The following NEBL variants were observed in gnomAD, a reference collection of about 807,000 sequenced individuals.
NEBL encodes the protein nebulette, also known as LIM and SH3 protein 2.
In NEBL, 122 loss-of-function variants were observed where a neutral mutation model predicts 140.2. The ratio of observed to expected loss-of-function variants is 0.87; its 90% CI spans 0.75 to 1.01. The LOEUF is 1.01. Ranked by LOEUF, NEBL falls within the 50% of genes least tolerant of loss-of-function variation. The pLI is 0.00. For missense variants in NEBL, 1,365 were observed against 1,231.3 expected, an observed-to-expected ratio of 1.11 and a Z score of -1.62; for synonymous variants, 436 against 398.9, an observed-to-expected ratio of 1.09 and a Z score of -1.11.
chr10:20,973,911 A>G (rs1321047007), intron 3 of NEBL, among the ~76,000 whole-genome samples: 1 of 152,208 alleles, frequency 6.6e-6, no homozygotes, highest in Non-Finnish European at 1.5e-5. Context: ...GTCTGATGGC[A>G]TTTGAATCCT....
intron 17 of NEBL, among the ~76,000 whole-genome samples, chr10:20,827,421 G>A (rs998770109): frequency 2.6e-5 from 4 of 152,200 alleles, no homozygotes; most frequent in Non-Finnish European, 5.9e-5. Flanking sequence ...TACTCTGAGA[G>A]CTGGCGCTTG....
At chr10:21,248,047 A>T (rs1156624126) in intron 2 of NEBL, 1 of 230,070 alleles carries the variant, frequency 4.3e-6, no homozygotes, top group Admixed American at 4.2e-5. Flanking sequence ...AAACTTCTGG[A>T]TTCAAGTCTG....
intron 21 of NEBL, 42 bp downstream of exon 21, chr10:20,817,558 G>A (rs1490582808): frequency 1.4e-6 from 2 of 1,414,712 alleles, no homozygotes; most frequent in South Asian, 2.3e-5. Flanking sequence ...CGTGGACAAT[G>A]CATTTGATAG....
In NEBL at chr10:21,260,487, T is replaced by C. The variant is rs572983800; in HGVS notation, n.183-8659A>G. Reference sequence around the variant, plus strand: ...TCCTCTTTTTCTTTTTGCCTTGCCTTTAAAATAGATCTGCTCTAGGATGCT... The same window carrying C: ...TCCTCTTTTTCTTTTTGCCTTGCCTCTAAAATAGATCTGCTCTAGGATGCT... On this transcript the variant is annotated intron_variant and non_coding_transcript_variant, in intron 1 of 8. Transcript: ENST00000675702. 4.6e-5 allele frequency among the ~76,000 whole-genome samples: 7 copies of C among 152,358 alleles called. No homozygotes were observed. The East Asian group carries it at 7.7e-4, about 17-fold the overall frequency.
intron 2 of NEBL, among the ~76,000 whole-genome samples, chr10:21,028,724 G>A (rs985197746): frequency 6.6e-6 from 1 of 150,924 alleles, no homozygotes; most frequent in Non-Finnish European, 1.5e-5. Context: ...TCCTAAAAAA[G>A]GGAAAATATC....
At chr10:20,877,208 A>G (rs775849810) in intron 5 of NEBL, among the ~76,000 whole-genome samples, 7 of 152,322 alleles carry the variant, frequency 4.6e-5, no homozygotes, top group Admixed American at 1.3e-4. Context: ...CTCTTTACAC[A>G]TAATGTTTCA....
chr10:20,803,798 C>T (rs553609176), intron 26 of NEBL, among the ~76,000 whole-genome samples: 1 of 141,032 alleles, frequency 7.1e-6, no homozygotes, highest in East Asian at 2.1e-4. Flanking sequence ...AGACTTCTTT[C>T]CTTCTGTACG....
intron 2 of NEBL, among the ~76,000 whole-genome samples, chr10:21,157,719 G>A (rs1254204290): frequency 6.6e-6 from 1 of 152,172 alleles, no homozygotes; most frequent in Non-Finnish European, 1.5e-5. Context: ...GAGTTGAATT[G>A]TATATGTATT....
At chr10:21,150,729 C>T (rs1480393920) in intron 2 of NEBL, among the ~76,000 whole-genome samples, 1 of 152,182 alleles carries the variant, frequency 6.6e-6, no homozygotes, top group Non-Finnish European at 1.5e-5. Context: ...ACAAAAGTCA[C>T]ACCCGAAGCC....
intron 2 of NEBL, among the ~76,000 whole-genome samples, chr10:21,061,155 C>A (rs1447594455): frequency 1.3e-5 from 2 of 151,060 alleles, no homozygotes; most frequent in Non-Finnish European, 2.9e-5. Flanking sequence ...ATATATGATA[C>A]ATGTTCTTAT....
At chr10:21,262,405 C>T (rs961986438) in intron 1 of NEBL, among the ~76,000 whole-genome samples, 4 of 152,216 alleles carry the variant, frequency 2.6e-5, no homozygotes, top group African/African-American at 9.6e-5. Context: ...TAGGGGGACC[C>T]AAGCTGCGTG....
At chr10:21,060,636 G>A (rs1835230632) in intron 2 of NEBL, among the ~76,000 whole-genome samples, 1 of 151,568 alleles carries the variant, frequency 6.6e-6, no homozygotes, top group Non-Finnish European at 1.5e-5. Context: ...TTCCTCCTCT[G>A]CCACCTCCCA....
intron 2 of NEBL, among the ~76,000 whole-genome samples, chr10:21,054,008 G>A (rs538888216): frequency 6.8e-5 from 10 of 147,674 alleles, no homozygotes; most frequent in Non-Finnish European, 1.2e-4. Context: ...ACTCCAGCCT[G>A]GGCGACGAAG....
At chr10:21,186,347 A>T (rs532574662) in intron 3 of NEBL, among the ~76,000 whole-genome samples, 1 of 151,796 alleles carries the variant, frequency 6.6e-6, no homozygotes, top group South Asian at 2.1e-4. Context: ...AACCCCTAAG[A>T]TAATGGTATT....
At chr10:20,959,568 A>C (rs866258935) in intron 4 of NEBL, among the ~76,000 whole-genome samples, 5 of 152,282 alleles carry the variant, frequency 3.3e-5, no homozygotes, top group South Asian at 2.1e-4. Context: ...TAAGGGAAAA[A>C]GTTCATGAAG....
At chr10:21,255,106 C>G (rs1221201734) in intron 1 of NEBL, among the ~76,000 whole-genome samples, 1 of 151,838 alleles carries the variant, frequency 6.6e-6, no homozygotes, top group East Asian at 2.0e-4. Context: ...CTGCTTGAGT[C>G]TGAAGATGGT....
intron 26 of NEBL, among the ~76,000 whole-genome samples, chr10:20,796,367 G>GAAAAAAAAAAAAAAAAAAA (rs57844177): frequency 3.9e-5 from 2 of 51,496 alleles, no homozygotes; most frequent in African/African-American, 6.8e-5. Context: ...TCTAAAACAA[G>GAAAAAAAAAAAAAAAAAAA]AAAAAAAAAA....
chr10:20,968,842 A>G (rs73607562), intron 3 of NEBL, among the ~76,000 whole-genome samples: 1,842 of 152,358 alleles, frequency 0.012, 38 homozygotes, highest in African/African-American at 0.043. Flanking sequence ...TGAGGGTCGC[A>G]ATATTTTAAA....
chr10:21,083,110 G>A (rs1265534874), intron 2 of NEBL, among the ~76,000 whole-genome samples: 1 of 152,154 alleles, frequency 6.6e-6, no homozygotes, highest in Non-Finnish European at 1.5e-5. Flanking sequence ...GGAGCGCAGT[G>A]CTGAGGAGAA....
Sources: allele counts gnomAD v4.1 joint callset (sites outside exome capture counted in the v4.1 genomes callset), GRCh38; gene constraint gnomAD v4.1.1; transcripts MANE v1.5; gene names NCBI Gene and HGNC (gene_info 2026-07-23, HGNC 2026-07-21).